Variants in SGCZ observed in about 807,000 individuals in gnomAD.
SGCZ encodes the protein zeta-sarcoglycan.
Under a neutral mutation model 41.3 loss-of-function variants are expected in SGCZ, and 40 were observed. The ratio of observed to expected loss-of-function variants is 0.97; its 90% CI spans 0.75 to 1.26. The LOEUF (loss-of-function observed/expected upper bound fraction) is 1.26. SGCZ is among the 50% of genes most tolerant of loss of function. The pLI, the probability that SGCZ is intolerant of heterozygous loss-of-function variation, is 0.00. For missense variants in SGCZ, 552 were observed against 369.8 expected (o/e 1.49, Z -4.04); for synonymous variants, 206 against 137.5 (o/e 1.50, Z -3.49).
chr8:14,855,395 C>G (rs539628280), intron 1 of SGCZ, among the ~76,000 whole-genome samples: 1 of 152,108 alleles, frequency 6.6e-6, no homozygotes, highest in Non-Finnish European at 1.5e-5. Context: ...GTACTTCGTG[C>G]TCACTATATA....
chr8:15,206,678 A>C (rs943370878), intron 1 of SGCZ, among the ~76,000 whole-genome samples: 2 of 152,048 alleles, frequency 1.3e-5, no homozygotes, highest in Admixed American at 1.3e-4. Flanking sequence ...CGAACTCCTG[A>C]CATTGTGATC....
chr8:15,231,928 G>A (rs183184495), intron 1 of SGCZ, among the ~76,000 whole-genome samples: 28 of 152,180 alleles, frequency 1.8e-4, no homozygotes, highest in African/African-American at 6.3e-4. Flanking sequence ...GGCCTAAAAT[G>A]ACGTTTATAG....
chr8:15,111,726 C>G lies in SGCZ; in HGVS notation c.39+125859G>C, dbSNP rs59208322. Among the ~76,000 whole-genome samples the G allele has an allele frequency of 1.6e-3, 244 of 152,114 alleles. 4 individuals are homozygous for G. In the East Asian group the frequency reaches 0.042, roughly 26 times the overall value. ...ACCATCCTGGCCAACATGGTGAAAC[C>G]CTGTCTCCACTAAAAATACAAAAAT... On this transcript the variant is annotated intron_variant, in intron 1 of 7. Coordinates refer to ENST00000382080, the MANE Select transcript of SGCZ (RefSeq NM_139167.4).
chr8:14,315,944 T>C (rs753536929), intron 3 of SGCZ, among the ~76,000 whole-genome samples: 12 of 151,732 alleles, frequency 7.9e-5, no homozygotes, highest in African/African-American at 2.2e-4. Context: ...ATGATATGTC[T>C]ATGTAAAGGG....
intron 1 of SGCZ, among the ~76,000 whole-genome samples, chr8:14,801,152 A>C (rs986337078): frequency 1.3e-5 from 2 of 152,178 alleles, no homozygotes; most frequent in African/African-American, 4.8e-5. Flanking sequence ...CGAAGATCGC[A>C]TTGGTCATGT....
intron 2 of SGCZ, among the ~76,000 whole-genome samples, chr8:14,330,501 C>T (rs1802277704): frequency 6.6e-6 from 1 of 151,662 alleles, no homozygotes; most frequent in Non-Finnish European, 1.5e-5. Flanking sequence ...TTATAAGAGA[C>T]CGAATGAAAA....
At chr8:14,271,495 G>C (rs2117264283) in intron 3 of SGCZ, among the ~76,000 whole-genome samples, 1 of 152,290 alleles carries the variant, frequency 6.6e-6, no homozygotes, top group East Asian at 1.9e-4. Flanking sequence ...TGACCAACAG[G>C]AGATATTTAG....
intron 1 of SGCZ, among the ~76,000 whole-genome samples, chr8:15,137,333 G>A (rs1272283117): frequency 6.6e-6 from 1 of 152,172 alleles, no homozygotes; most frequent in Non-Finnish European, 1.5e-5. Flanking sequence ...GCCTGACAAT[G>A]CAATAAAAAA....
At position 14,566,913 on chromosome 8, in the gene SGCZ, C is replaced by T. The variant is rs189781571; in HGVS notation, c.40-11987G>A. Among the ~76,000 whole-genome samples the T allele has an allele frequency of 3.1e-3, 468 of 152,292 alleles. 6 individuals are homozygous for T. The highest frequency in any genetic ancestry group is 0.011 in the African/African-American group (443 of 41,572). On this transcript the variant is annotated intron_variant, in intron 1 of 7. Transcript: ENST00000382080. The stretch of plus-strand genomic sequence containing the variant: ...GCGGCTGTGGGCTCGGCAGGCCCCA[C>T]ACTCAGAGCGGCCGGCTGGCCCCGC...
At chr8:14,461,552 G>A (rs1401008538) in intron 2 of SGCZ, among the ~76,000 whole-genome samples, 2 of 152,036 alleles carry the variant, frequency 1.3e-5, no homozygotes, top group Non-Finnish European at 2.9e-5. Context: ...TTGACCATTA[G>A]CTTGACATGC....
chr8:14,758,949 A>G (rs1238755530), intron 1 of SGCZ, among the ~76,000 whole-genome samples: 1 of 151,310 alleles, frequency 6.6e-6, no homozygotes, highest in Non-Finnish European at 1.5e-5. Context: ...CAGAGGTTGC[A>G]GTGAGCCAAG....
At chr8:14,289,592 T>A (rs1391625240) in intron 3 of SGCZ, among the ~76,000 whole-genome samples, 1 of 152,122 alleles carries the variant, frequency 6.6e-6, no homozygotes, top group East Asian at 1.9e-4. Context: ...TATGTGTCTA[T>A]TTTTATGCCA....
At chr8:15,087,435 C>G (rs758271547) in intron 1 of SGCZ, among the ~76,000 whole-genome samples, 1 of 152,084 alleles carries the variant, frequency 6.6e-6, no homozygotes, top group South Asian at 2.1e-4. Flanking sequence ...GGCAGACTAA[C>G]AACATCTCGA....
At chr8:14,794,699 G>T (rs964932653) in intron 1 of SGCZ, among the ~76,000 whole-genome samples, 18 of 152,136 alleles carry the variant, frequency 1.2e-4, no homozygotes, top group Admixed American at 6.5e-4. Context: ...AAGTTCCAAC[G>T]CAAAGGATGA....
At position 14,819,488 on chromosome 8, in the gene SGCZ, G is replaced by C. The variant is rs571754990; in HGVS notation, c.40-264562C>G. 4.2e-3 allele frequency among the ~76,000 whole-genome samples: 633 copies of C among 152,214 alleles called. 7 individuals carry two copies. Among genetic ancestry groups the C allele is most frequent in the African/African-American group, 0.015 (604 of 41,534 alleles). The stretch of plus-strand genomic sequence containing the variant: ...GGCCTTATAGGGAACACTCAAGAAA[G>C]TGCTACAACTGCAAACATGAGAAGG... On this transcript the variant is annotated intron_variant, in intron 1 of 7. Coordinates refer to ENST00000382080, the MANE Select transcript of SGCZ (RefSeq NM_139167.4).
At position 14,228,115 on chromosome 8, in the gene SGCZ, A is replaced by G. The variant is rs375471444; in HGVS notation, c.424+9477T>C. Reference sequence around the variant, plus strand: ...ATGTTTTCAGATAATTATTCCCATAACCTTACATTAGTGAACATTATGCCC... The same window carrying G: ...ATGTTTTCAGATAATTATTCCCATAGCCTTACATTAGTGAACATTATGCCC... On this transcript the variant is annotated intron_variant, in intron 4 of 7. Coordinates refer to ENST00000382080, the MANE Select transcript of SGCZ (RefSeq NM_139167.4). Among the ~76,000 whole-genome samples, 23 of 152,196 alleles carry G rather than the reference A, an allele frequency of 1.5e-4. No homozygotes were observed. In the East Asian group the frequency reaches 4.1e-3, roughly 27 times the overall value.
chr8:14,201,889 G>A (rs766213668), intron 4 of SGCZ, among the ~76,000 whole-genome samples: 9 of 152,118 alleles, frequency 5.9e-5, no homozygotes, highest in Non-Finnish European at 1.0e-4. Context: ...AAACTGTTAG[G>A]TCTATCTTTT....
At chr8:14,423,168 G>A (rs946071973) in intron 2 of SGCZ, among the ~76,000 whole-genome samples, 1 of 152,024 alleles carries the variant, frequency 6.6e-6, no homozygotes, top group Admixed American at 6.6e-5. Flanking sequence ...GTTGTGGGGT[G>A]GGCGGAGGGG....
At chr8:14,674,612 G>A (rs895707709) in intron 1 of SGCZ, among the ~76,000 whole-genome samples, 6 of 152,106 alleles carry the variant, frequency 3.9e-5, no homozygotes, top group African/African-American at 1.4e-4. Flanking sequence ...CAAATTTCAT[G>A]TTTAATTGTA....
Sources: allele counts gnomAD v4.1 joint callset (sites outside exome capture counted in the v4.1 genomes callset), GRCh38; gene constraint gnomAD v4.1.1; transcripts MANE v1.5; gene names NCBI Gene and HGNC (gene_info 2026-07-23, HGNC 2026-07-21).